C8orf34: variants seen among roughly 807,000 people sequenced by gnomAD.
C8orf34 encodes the protein chromosome 8 open reading frame 34.
A neutral mutation model predicts 68.3 loss-of-function variants in C8orf34; 65 were observed. That is an observed-to-expected ratio of 0.95 (90% CI 0.78 to 1.17). The LOEUF (loss-of-function observed/expected upper bound fraction) is 1.17. Among genes scored for constraint, C8orf34 ranks in the 50% most tolerant of loss-of-function variants. The pLI is 0.00. For missense variants in C8orf34, 664 were observed against 655.4 expected, an observed-to-expected ratio of 1.01 and a Z score of -0.14; for synonymous variants, 244 against 241.2, an observed-to-expected ratio of 1.01 and a Z score of -0.11.
intron 6 of C8orf34, among the ~76,000 whole-genome samples, chr8:68,527,325 C>T (rs959981705): frequency 3.3e-5 from 5 of 152,182 alleles, no homozygotes; most frequent in African/African-American, 7.2e-5. Flanking sequence ...CGCCTGTAAG[C>T]GCTCTGGGAG....
At chr8:68,771,992 C>G (rs1823352263) in intron 10 of C8orf34, among the ~76,000 whole-genome samples, 1 of 152,222 alleles carries the variant, frequency 6.6e-6, no homozygotes, top group East Asian at 1.9e-4. Context: ...TAATAAATAC[C>G]TATGGAAAAA....
At chr8:68,757,932 G>T (rs897666407) in intron 10 of C8orf34, among the ~76,000 whole-genome samples, 4 of 152,192 alleles carry the variant, frequency 2.6e-5, no homozygotes, top group Non-Finnish European at 5.9e-5. Context: ...AGGATTAATT[G>T]AGATATGTAA....
rs149654883 is a variant in C8orf34, at chr8:68,556,103, T to C, written c.1105+22954T>C. On this transcript the variant is annotated intron_variant, in intron 7 of 13. Coordinates refer to ENST00000518698, the MANE Select transcript of C8orf34 (RefSeq NM_052958.4). ...AGTACATGAAATACATCCAAATTAT[T>C]AGCTTTGAAAAACAAGTAGCAAACC... Among the ~76,000 whole-genome samples the C allele has an allele frequency of 3.7e-4, 57 of 152,144 alleles. 2 individuals carry two copies. In the East Asian group the frequency reaches 0.01, roughly 28 times the overall value.
intron 2 of C8orf34, among the ~76,000 whole-genome samples, chr8:68,442,833 A>G (rs1810968327): frequency 6.6e-6 from 1 of 152,210 alleles, no homozygotes; most frequent in Non-Finnish European, 1.5e-5. Context: ...AGAGGTCACT[A>G]TAGTTTCTTT....
chr8:68,673,739 C>G (rs541981459), intron 8 of C8orf34, among the ~76,000 whole-genome samples: 13 of 148,052 alleles, frequency 8.8e-5, no homozygotes, highest in African/African-American at 3.0e-4. Context: ...ACAAGCCTGG[C>G]TGGCTTCACC....
chr8:68,787,528 A>G lies in C8orf34; in HGVS notation c.1541A>G (p.Gln514Arg), dbSNP rs375736256. 3.1e-6 allele frequency: 5 copies of G among 1,607,834 alleles called. No individual in the cohort carries two copies. Among genetic ancestry groups the G allele is most frequent in the Non-Finnish European group, 3.4e-6 (4 of 1,175,858 alleles). The change falls in exon 12 of 14, where the codon CAA becomes CGA. Residue 514 changes from glutamine to arginine, a missense_variant. Transcript: ENST00000518698. ...GAAAGTGAAGGAGTGGAAGCAGAAC[A>G]AGAGAAACGTGAGTAGACACTATTG... Reference protein sequence around the residue: ...DTESEGVEAEQEKRSADLLLC... With the variant: ...DTESEGVEAEREKRSADLLLC...
chr8:68,781,729 A>T (rs1197387596), intron 11 of C8orf34, among the ~76,000 whole-genome samples: 1 of 152,204 alleles, frequency 6.6e-6, no homozygotes, highest in Non-Finnish European at 1.5e-5. Context: ...TTCCAGGGAA[A>T]ACCAAAGTAA....
intron 6 of C8orf34, chr8:68,530,667 C>CTTCCAT (rs1272151045): frequency 8.7e-7 from 1 of 1,144,140 alleles, no homozygotes; most frequent in Non-Finnish European, 1.1e-6. Flanking sequence ...AAACTTCTTC[C>CTTCCAT]TTCCATTTTC....
At chr8:68,476,541 G>A (rs1812625375) in intron 4 of C8orf34, among the ~76,000 whole-genome samples, 1 of 152,158 alleles carries the variant, frequency 6.6e-6, no homozygotes, top group Non-Finnish European at 1.5e-5. Flanking sequence ...GCTGATACCA[G>A]TTTGCAAACC....
intron 9 of C8orf34, among the ~76,000 whole-genome samples, chr8:68,713,111 T>C (rs912700293): frequency 6.6e-6 from 1 of 152,132 alleles, no homozygotes; most frequent in Non-Finnish European, 1.5e-5. Context: ...AATTAAAAAG[T>C]TCTTTGAACT....
intron 10 of C8orf34, among the ~76,000 whole-genome samples, 162 bp downstream of exon 10, chr8:68,721,599 A>C (rs572999261): frequency 6.6e-5 from 10 of 152,080 alleles, no homozygotes; most frequent in Non-Finnish European, 5.9e-5. Flanking sequence ...ACTAGATGGG[A>C]AAAGTGAAGT....
At chr8:68,360,678 T>C (rs1195669736) in intron 1 of C8orf34, among the ~76,000 whole-genome samples, 1 of 152,084 alleles carries the variant, frequency 6.6e-6, no homozygotes, top group Non-Finnish European at 1.5e-5. Flanking sequence ...TGTCCAGTTC[T>C]TCCCAATATA....
At chr8:68,752,775 G>A (rs2129527684) in intron 10 of C8orf34, among the ~76,000 whole-genome samples, 1 of 152,192 alleles carries the variant, frequency 6.6e-6, no homozygotes, top group African/African-American at 2.4e-5. Context: ...AATTAATGTG[G>A]GGAATTTTTC....
At chr8:68,338,477 G>T (rs979729223) in intron 1 of C8orf34, among the ~76,000 whole-genome samples, 1 of 152,042 alleles carries the variant, frequency 6.6e-6, no homozygotes, top group Non-Finnish European at 1.5e-5. Context: ...TACTCCTTCT[G>T]CATCTTCAGG....
At chr8:68,727,563 T>A (rs759451099) in intron 10 of C8orf34, among the ~76,000 whole-genome samples, 51 of 152,364 alleles carry the variant, frequency 3.3e-4, no homozygotes, top group African/African-American at 1.2e-3. Flanking sequence ...TGCACTGCCC[T>A]AGCAGAGGTT....
At chr8:68,775,713 ATT>A (rs1823496904) in intron 10 of C8orf34, among the ~76,000 whole-genome samples, 1 of 152,236 alleles carries the variant, frequency 6.6e-6, no homozygotes, top group Non-Finnish European at 1.5e-5. Context: ...CCTTAGCCTA[ATT>A]ATGAGACTAT....
chr8:68,419,074 C>T (rs1809817690), intron 1 of C8orf34, among the ~76,000 whole-genome samples: 5 of 151,780 alleles, frequency 3.3e-5, no homozygotes, highest in Admixed American at 2.6e-4. Flanking sequence ...ATTTTCGCAA[C>T]CTGCTCATCT....
intron 7 of C8orf34, among the ~76,000 whole-genome samples, chr8:68,539,558 A>G (rs1360101419): frequency 6.6e-6 from 1 of 152,168 alleles, no homozygotes; most frequent in Non-Finnish European, 1.5e-5. Context: ...AAACCTTAAA[A>G]TTATTGTAGT....
At chr8:68,708,870 A>G (rs1030825794) in intron 8 of C8orf34, 124 bp from the exon 9 acceptor site, 11 of 718,716 alleles carry the variant, frequency 1.5e-5, no homozygotes, top group Admixed American at 3.0e-5. Context: ...TTGTATTTCT[A>G]TTTTGAACAT....
Sources: gnomAD v4.1 joint callset for allele counts (sites outside exome capture counted in the v4.1 genomes callset) on GRCh38, gnomAD v4.1.1 for gene constraint, MANE v1.5 for transcripts, NCBI Gene and HGNC (gene_info 2026-07-23, HGNC 2026-07-21) for gene names.